The following PACS1 variants were observed in gnomAD, a reference collection of about 807,000 sequenced individuals.
PACS1 encodes phosphofurin acidic cluster sorting protein 1, also known as PACS-1.
PACS1 carries 24 observed loss-of-function variants against 115.0 expected under a neutral mutation model. The ratio of observed to expected loss-of-function variants is 0.21; its 90% CI spans 0.15 to 0.29. The LOEUF is 0.29. Among genes scored for constraint, PACS1 ranks in the 10% least tolerant of loss-of-function variants. The probability of loss-of-function intolerance (pLI) is 1.00; values close to 1 mark genes in which losing one functional copy is unlikely to be tolerated. For synonymous variants in PACS1, 453 were observed against 504.5 expected, an observed-to-expected ratio of 0.90 and a Z score of 1.37; for missense variants, 838 against 1,251.2, an observed-to-expected ratio of 0.67 and a Z score of 4.98.
chr11:66,219,272 G>A (rs1855284470), intron 7 of PACS1, among the ~76,000 whole-genome samples: 2 of 151,930 alleles, frequency 1.3e-5, no homozygotes, highest in African/African-American at 4.8e-5. Flanking sequence ...CGGGGAGAAC[G>A]AGAAGGAGAG....
rs957338730 is a variant in PACS1 at position 66,070,921 on chromosome 11, A to G, written c.356+79A>G. ...CCCAGCCCTCCCCGCCCCAGCGCCCATGGGGTCCCCGCCCTCCATCTCCCC... is the reference window on the plus strand; with the variant it reads ...CCCAGCCCTCCCCGCCCCAGCGCCCGTGGGGTCCCCGCCCTCCATCTCCCC... On this transcript the variant is annotated intron_variant, in intron 1 of 23. Coordinates refer to ENST00000320580, the MANE Select transcript of PACS1 (RefSeq NM_018026.4). This position sits in a 1 kb window ranked among gnomAD's most constrained non-coding sequence, Gnocchi z 5.9. The G allele has an allele frequency of 5.4e-6, 7 of 1,287,138 alleles. No individual in the cohort carries two copies. The highest frequency in any genetic ancestry group is 4.8e-5 in the African/African-American group (3 of 63,152). 79.7% of individuals were successfully genotyped at this position (1,287,138 alleles called of 1,614,324 possible).
chr11:66,148,939 AC>A (rs1454820508), intron 1 of PACS1, among the ~76,000 whole-genome samples: 2 of 152,166 alleles, frequency 1.3e-5, no homozygotes, highest in East Asian at 3.8e-4. Context: ...ACAAAACAAA[AC>A]AAAAAAGAAT....
At chr11:66,219,696 T>C in intron 7 of PACS1, 50 bp from the exon 8 acceptor site, 1 of 1,406,700 alleles carries the variant, frequency 7.1e-7, no homozygotes, top group Non-Finnish European at 1.0e-6. Context: ...TGACTTGAAT[T>C]GACCCCAAGT....
At chr11:66,174,603 G>A (rs1859809775) in intron 1 of PACS1, among the ~76,000 whole-genome samples, 1 of 152,134 alleles carries the variant, frequency 6.6e-6, no homozygotes, top group Admixed American at 6.5e-5. Flanking sequence ...CTACAAATGG[G>A]TCAGTTTCAA....
At chr11:66,170,774 GAAA>G (rs35955463) in intron 1 of PACS1, among the ~76,000 whole-genome samples, 1 of 113,660 alleles carries the variant, frequency 8.8e-6, no homozygotes, top group Non-Finnish European at 1.8e-5. Context: ...CTCATCTCTG[GAAA>G]AAAAAAAAAA....
At chr11:66,106,545 T>C (rs1311070670) in intron 1 of PACS1, among the ~76,000 whole-genome samples, 13 of 151,702 alleles carry the variant, frequency 8.6e-5, no homozygotes, top group South Asian at 8.3e-4. Context: ...CCAGCCTGGG[T>C]GACAGAATGA....
At chr11:66,096,984 GC>G (rs1258744141) in intron 1 of PACS1, among the ~76,000 whole-genome samples, 1 of 151,718 alleles carries the variant, frequency 6.6e-6, no homozygotes, top group Non-Finnish European at 1.5e-5. Flanking sequence ...ACAGGCATGA[GC>G]CACCACGCCC....
intron 1 of PACS1, among the ~76,000 whole-genome samples, chr11:66,186,714 T>G (rs920156700): frequency 6.6e-6 from 1 of 152,252 alleles, no homozygotes; most frequent in Non-Finnish European, 1.5e-5. Context: ...GTGACAGAGC[T>G]GCAGTTCAAA....
At chr11:66,134,607 A>G (rs1858798886) in intron 1 of PACS1, among the ~76,000 whole-genome samples, 1 of 151,770 alleles carries the variant, frequency 6.6e-6, no homozygotes, top group Non-Finnish European at 1.5e-5. Flanking sequence ...AGCATTTCCA[A>G]TGGCTTATAG....
chr11:66,209,542 T>C (rs867851818), intron 2 of PACS1, among the ~76,000 whole-genome samples: 1 of 152,292 alleles, frequency 6.6e-6, no homozygotes, highest in Non-Finnish European at 1.5e-5. Context: ...CAGCATCATA[T>C]ATGTAAAATC....
At chr11:66,082,510 A>G (rs982874035) in intron 1 of PACS1, among the ~76,000 whole-genome samples, 1 of 152,156 alleles carries the variant, frequency 6.6e-6, no homozygotes, top group African/African-American at 2.4e-5. Context: ...TTAAAAAAAA[A>G]CAAACAAAAA....
At chr11:66,151,555 C>G (rs1490435781) in intron 1 of PACS1, among the ~76,000 whole-genome samples, 3 of 152,170 alleles carry the variant, frequency 2.0e-5, no homozygotes, top group African/African-American at 7.2e-5. Flanking sequence ...CTTCATACGA[C>G]AGGAGAGACA....
At chr11:66,180,085 GC>G (rs1859966252) in intron 1 of PACS1, among the ~76,000 whole-genome samples, 1 of 152,088 alleles carries the variant, frequency 6.6e-6, no homozygotes, top group East Asian at 1.9e-4. Flanking sequence ...CAGGTGATCC[GC>G]CTGCCTCAGC....
intron 2 of PACS1, among the ~76,000 whole-genome samples, chr11:66,195,884 C>G (rs578127864): frequency 6.6e-6 from 1 of 152,320 alleles, no homozygotes; most frequent in Admixed American, 6.5e-5. Context: ...TAAGACACTT[C>G]CAGGGGGTAC....
intron 1 of PACS1, among the ~76,000 whole-genome samples, chr11:66,152,733 G>A (rs1348771401): frequency 2.0e-5 from 3 of 152,168 alleles, no homozygotes; most frequent in Non-Finnish European, 4.4e-5. Flanking sequence ...AACTTGCATG[G>A]GGAGGGGAAG....
rs1416511387 is a variant in PACS1 at position 66,185,866 on chromosome 11, C to T, written c.357-7620C>T. On this transcript the variant is annotated intron_variant, in intron 1 of 23. Coordinates refer to ENST00000320580, the MANE Select transcript of PACS1 (RefSeq NM_018026.4). The stretch of plus-strand genomic sequence containing the variant: ...ATGTTTGGGGGTTGTAACTAAAGTC[C>T]TAACACCTTGGGAATCTGTTCCTGG... Among the ~76,000 whole-genome samples the T allele has an allele frequency of 2.0e-5, 3 of 152,236 alleles. No individual in the cohort carries two copies. The East Asian group carries it at 5.8e-4, about 29-fold the overall frequency.
intron 1 of PACS1, among the ~76,000 whole-genome samples, chr11:66,129,379 C>T (rs2134574538): frequency 6.6e-6 from 1 of 150,708 alleles, no homozygotes; most frequent in Middle Eastern, 3.4e-3. Context: ...TGGCAGTGAG[C>T]TGAGATCGCA....
intron 1 of PACS1, among the ~76,000 whole-genome samples, chr11:66,100,177 C>T (rs1857882389): frequency 6.6e-6 from 1 of 152,146 alleles, no homozygotes; most frequent in Non-Finnish European, 1.5e-5. Flanking sequence ...ACCACGCCTG[C>T]CTTTTTCTTT....
At chr11:66,150,071 GTTCAA>G in intron 1 of PACS1, among the ~76,000 whole-genome samples, 1 of 152,088 alleles carries the variant, frequency 6.6e-6, no homozygotes, top group South Asian at 2.1e-4. Flanking sequence ...ATTCATATTT[GTTCAA>G]TTTCTCCCCC....
Sources: gnomAD v4.1 joint callset for allele counts (sites outside exome capture counted in the v4.1 genomes callset) on GRCh38, gnomAD v4.1.1 for gene constraint, Gnocchi (gnomAD v3.1) non-coding constraint, MANE v1.5 for transcripts, NCBI Gene and HGNC (gene_info 2026-07-23, HGNC 2026-07-21) for gene names.